Variants in NKAIN2 observed in about 807,000 individuals in gnomAD.
NKAIN2 encodes the protein sodium/potassium-transporting ATPase subunit beta-1-interacting protein 2.
A neutral mutation model predicts 32.6 loss-of-function variants in NKAIN2; 14 were observed. The observed-to-expected ratio is 0.43, with a 90% CI of 0.28 to 0.67. The LOEUF (loss-of-function observed/expected upper bound fraction) is 0.67, where lower values mean the gene tolerates loss of function less well. Ranked by LOEUF, NKAIN2 falls within the 30% of genes least tolerant of loss-of-function variation. The pLI is 0.17. For missense variants in NKAIN2, 198 were observed against 258.3 expected, an observed-to-expected ratio of 0.77 and a Z score of 1.60; for synonymous variants, 80 against 87.2, an observed-to-expected ratio of 0.92 and a Z score of 0.46.
At chr6:124,359,160 G>A (rs1217218904) in intron 3 of NKAIN2, among the ~76,000 whole-genome samples, 2 of 152,182 alleles carry the variant, frequency 1.3e-5, no homozygotes, top group Non-Finnish European at 2.9e-5. Context: ...GTATCATGCT[G>A]TTTTGGTTAC....
rs532056094 is a variant in NKAIN2 at position 124,593,619 on chromosome 6, AG to A, written c.274-64566del. Among the ~76,000 whole-genome samples the A allele has an allele frequency of 4.3e-4, 66 of 152,282 alleles. 1 individual carries two copies. In the South Asian group the frequency reaches 0.012, roughly 29 times the overall value. On this transcript the variant is annotated intron_variant, in intron 3 of 6. Coordinates refer to ENST00000368417, the MANE Select transcript of NKAIN2 (RefSeq NM_001040214.3). ...GTTCATGAATGGACTTCTTAAGCAAAGAAATTTGAACTTTATCCTAAAAGCT... is the reference window on the plus strand; with the variant it reads ...GTTCATGAATGGACTTCTTAAGCAAAAAATTTGAACTTTATCCTAAAAGCT...
At chr6:124,820,252 C>G (rs539932031) in intron 6 of NKAIN2, among the ~76,000 whole-genome samples, 10 of 152,240 alleles carry the variant, frequency 6.6e-5, no homozygotes, top group East Asian at 5.8e-4. Context: ...AAAAGGCAAT[C>G]AGGACTAGTG....
intron 3 of NKAIN2, among the ~76,000 whole-genome samples, chr6:124,385,281 G>T (rs1218412460): frequency 1.3e-5 from 2 of 152,112 alleles, no homozygotes; most frequent in African/African-American, 2.4e-5. Context: ...GATGGACGAG[G>T]TGCCTTGAGA....
intron 3 of NKAIN2, among the ~76,000 whole-genome samples, chr6:124,575,193 C>T (rs1781284244): frequency 6.6e-6 from 1 of 152,152 alleles, no homozygotes; most frequent in African/African-American, 2.4e-5. Flanking sequence ...TTAATTTATC[C>T]TGTCCTGCAG....
chr6:123,815,694 G>A (rs779753025), intron 1 of NKAIN2, among the ~76,000 whole-genome samples: 2 of 151,918 alleles, frequency 1.3e-5, no homozygotes, highest in African/African-American at 4.8e-5. Context: ...AAGAGCTTCT[G>A]CTTATCAACA....
chr6:124,098,222 G>GA (rs1784725863), intron 1 of NKAIN2, among the ~76,000 whole-genome samples: 1 of 152,110 alleles, frequency 6.6e-6, no homozygotes, highest in African/African-American at 2.4e-5. Flanking sequence ...ATCCTTATTA[G>GA]ACTTTAATTA....
intron 1 of NKAIN2, among the ~76,000 whole-genome samples, chr6:124,097,188 T>C (rs1784680126): frequency 2.6e-5 from 4 of 151,822 alleles, no homozygotes; most frequent in African/African-American, 9.7e-5. Context: ...GGCGGGCAGA[T>C]CACGAGGTCG....
intron 4 of NKAIN2, among the ~76,000 whole-genome samples, chr6:124,665,699 G>A (rs1422421739): frequency 9.2e-5 from 14 of 152,138 alleles, no homozygotes; most frequent in Admixed American, 9.2e-4. Context: ...AAATTGCTCA[G>A]AAACACCTGG....
intron 1 of NKAIN2, among the ~76,000 whole-genome samples, chr6:124,069,298 T>C (rs1482161761): frequency 6.6e-6 from 1 of 152,136 alleles, no homozygotes; most frequent in Admixed American, 6.6e-5. Flanking sequence ...GAGTTCTGCA[T>C]GTGAGCATAT....
chr6:124,002,506 T>C, intron 1 of NKAIN2, among the ~76,000 whole-genome samples: 1 of 152,036 alleles, frequency 6.6e-6, no homozygotes, highest in East Asian at 1.9e-4. Context: ...TTATTTCAAA[T>C]GTCTCCTTGG....
intron 1 of NKAIN2, among the ~76,000 whole-genome samples, chr6:124,220,964 A>G (rs1313979427): frequency 6.6e-6 from 1 of 152,200 alleles, no homozygotes; most frequent in Non-Finnish European, 1.5e-5. Flanking sequence ...AAACTAAAGC[A>G]GTTAACACAG....
intron 3 of NKAIN2, among the ~76,000 whole-genome samples, chr6:124,441,361 C>T (rs1204840316): frequency 6.6e-6 from 1 of 152,050 alleles, no homozygotes; most frequent in African/African-American, 2.4e-5. Flanking sequence ...AACAGTCCTT[C>T]ACCAAAAAGT....
intron 1 of NKAIN2, among the ~76,000 whole-genome samples, chr6:123,810,441 G>T (rs1773412077): frequency 6.6e-6 from 1 of 152,116 alleles, no homozygotes; most frequent in Non-Finnish European, 1.5e-5. Context: ...ACCGACTTAG[G>T]TAATCTTGGG....
At chr6:124,362,921 G>A (rs777177518) in intron 3 of NKAIN2, among the ~76,000 whole-genome samples, 9 of 151,980 alleles carry the variant, frequency 5.9e-5, no homozygotes, top group African/African-American at 1.5e-4. Flanking sequence ...TGTAGCCTCC[G>A]CCTCCCAGGT....
chr6:123,894,096 T>C (rs990478947), intron 1 of NKAIN2, among the ~76,000 whole-genome samples: 31 of 151,980 alleles, frequency 2.0e-4, no homozygotes, highest in African/African-American at 7.0e-4. Flanking sequence ...TGTAGACATA[T>C]AACATTTATT....
At chr6:124,173,857 A>G (rs1789022574) in intron 1 of NKAIN2, among the ~76,000 whole-genome samples, 1 of 152,046 alleles carries the variant, frequency 6.6e-6, no homozygotes, top group African/African-American at 2.4e-5. Context: ...ATTTCTTCAA[A>G]CTTCTCTTCA....
intron 3 of NKAIN2, among the ~76,000 whole-genome samples, chr6:124,634,977 AAGAGAAAGAAG>A (rs1397920240): frequency 6.6e-6 from 1 of 151,606 alleles, no homozygotes; most frequent in African/African-American, 2.4e-5. Flanking sequence ...GAAAGAAAGA[AAGAGAAAGAAG>A]AGAGAAAGAA....
At chr6:124,155,523 G>A (rs1165918111) in intron 1 of NKAIN2, among the ~76,000 whole-genome samples, 1 of 151,462 alleles carries the variant, frequency 6.6e-6, no homozygotes, top group African/African-American at 2.4e-5. Flanking sequence ...GAATTTAGGG[G>A]AAATCAGGAA....
chr6:124,298,344 T>C (rs1174640031), intron 2 of NKAIN2, among the ~76,000 whole-genome samples: 1 of 152,182 alleles, frequency 6.6e-6, no homozygotes, highest in Non-Finnish European at 1.5e-5. Flanking sequence ...GTTTCCATTA[T>C]GATTTTCAAC....
Sources: gnomAD v4.1 joint callset for allele counts (sites outside exome capture counted in the v4.1 genomes callset) on GRCh38, gnomAD v4.1.1 for gene constraint, MANE v1.5 for transcripts, NCBI Gene and HGNC (gene_info 2026-07-23, HGNC 2026-07-21) for gene names.